TNS1: variants seen among roughly 807,000 people sequenced by gnomAD.
The protein encoded by TNS1 is tensin-1.
A neutral mutation model predicts 168.6 loss-of-function variants in TNS1; 62 were observed. That is an observed-to-expected ratio of 0.37 (90% CI 0.30 to 0.45). The LOEUF is 0.45. Among genes scored for constraint, TNS1 ranks in the 20% least tolerant of loss-of-function variants. The pLI is 1.00. For synonymous variants in TNS1, 934 were observed against 933.2 expected, an observed-to-expected ratio of 1.00 and a Z score of -0.02; for missense variants, 2,240 against 2,339.4, an observed-to-expected ratio of 0.96 and a Z score of 0.88.
intron 7 of TNS1, among the ~76,000 whole-genome samples, chr2:217,898,761 A>T (rs1391588950): frequency 6.6e-6 from 1 of 152,156 alleles, no homozygotes; most frequent in Non-Finnish European, 1.5e-5. Flanking sequence ...AGAGGTGGGG[A>T]GGCCCCTGGG....
chr2:218,008,197 C>T (rs1958676804), intron 1 of TNS1, among the ~76,000 whole-genome samples: 2 of 152,164 alleles, frequency 1.3e-5, no homozygotes, highest in South Asian at 2.1e-4. Flanking sequence ...TTAATAAGAT[C>T]CTTCCCAGAG....
At chr2:217,935,115 T>C (rs1222378124) in intron 3 of TNS1, among the ~76,000 whole-genome samples, 2 of 152,092 alleles carry the variant, frequency 1.3e-5, no homozygotes, top group Non-Finnish European at 2.9e-5. Flanking sequence ...GCCCCTGAAG[T>C]TGACTCTGTC....
At chr2:217,805,666 T>G (rs1055224778) in intron 32 of TNS1, among the ~76,000 whole-genome samples, 9 of 11,990 alleles carry the variant, frequency 7.5e-4, no homozygotes, top group Admixed American at 6.8e-3. Context: ...AACACACATA[T>G]CACCACACAC....
At position 217,929,346 on chromosome 2, in the gene TNS1, C is replaced by T. The variant is rs1956194713; in HGVS notation, c.187-9110G>A. ...GGGAGAGGTGAGGCTGCACACTAGGCCGGACTTCTTAGGAGCATGTGCTGA... is the reference window on the plus strand; with the variant it reads ...GGGAGAGGTGAGGCTGCACACTAGGTCGGACTTCTTAGGAGCATGTGCTGA... On this transcript the variant is annotated intron_variant, in intron 3 of 32. Transcript: ENST00000682258. Among the ~76,000 whole-genome samples, 6 of 152,304 alleles carry T rather than the reference C, an allele frequency of 3.9e-5. No individual in the cohort carries two copies. In the South Asian group the frequency reaches 1.0e-3, roughly 26 times the overall value.
chr2:217,920,284 A>G (rs1305805324), intron 3 of TNS1, 48 bp from the exon 4 acceptor site: 1 of 702,748 alleles, frequency 1.4e-6, no homozygotes, highest in Non-Finnish European at 2.6e-6. Flanking sequence ...TTGTCTCTAG[A>G]GACAGCCAGC....
intron 18 of TNS1, chr2:217,850,257 G>C (rs1017320707): frequency 2.0e-5 from 20 of 985,284 alleles, no homozygotes; most frequent in Non-Finnish European, 2.3e-5. Context: ...AACAGTCCCT[G>C]TGCCAGAGGG....
rs200862766 is a variant in TNS1 at position 217,849,072 on chromosome 2, G to A, written c.1445C>T (p.Thr482Met). The change falls in exon 19 of 33, where the codon ACG becomes ATG. Residue 482 changes from threonine to methionine, a missense_variant. By Grantham distance (81) the Thr-to-Met change is moderately conservative. Coordinates refer to ENST00000682258, the MANE Select transcript of TNS1 (RefSeq NM_001387777.1). ...CAGGCTCCCATCTAGTGGCCCCTGC[G>A]TGTGTCCCACCACCTCTGCAAGGGA... ...DDGMEEVVGH[T>M]QGPLDGSLYA... The A allele has an allele frequency of 9.6e-5, 155 of 1,611,414 alleles. No homozygotes were observed. The highest frequency in any genetic ancestry group is 1.2e-4 in the Non-Finnish European group (140 of 1,178,712).
At chr2:217,897,003 A>G (rs1184980171) in intron 8 of TNS1, among the ~76,000 whole-genome samples, 2 of 152,194 alleles carry the variant, frequency 1.3e-5, no homozygotes, top group African/African-American at 2.4e-5. Flanking sequence ...GATTGAGTCC[A>G]AAGAGGTGAA....
intron 3 of TNS1, among the ~76,000 whole-genome samples, chr2:217,966,913 C>T (rs142904755): frequency 1.1e-4 from 16 of 149,898 alleles, no homozygotes; most frequent in Admixed American, 4.0e-4. Flanking sequence ...TTAAGACTTT[C>T]CCTTCAATGG....
intron 4 of TNS1, among the ~76,000 whole-genome samples, chr2:217,916,735 T>C (rs568190741): frequency 9.2e-5 from 14 of 152,262 alleles, no homozygotes; most frequent in East Asian, 3.9e-4. Context: ...GGGAAATGTA[T>C]TTGGCTGGCA....
At chr2:217,997,958 G>T (rs1336685481) in intron 1 of TNS1, among the ~76,000 whole-genome samples, 1 of 152,236 alleles carries the variant, frequency 6.6e-6, no homozygotes, top group African/African-American at 2.4e-5. Context: ...TTTCTGTAGT[G>T]AAATTATACC....
At chr2:217,827,455 T>C (rs1418297648) in intron 22 of TNS1, among the ~76,000 whole-genome samples, 1 of 152,100 alleles carries the variant, frequency 6.6e-6, no homozygotes, top group African/African-American at 2.4e-5. Context: ...CAGTGGCACA[T>C]GAGTCAGGAA....
At chr2:217,962,937 C>T (rs1435276355) in intron 3 of TNS1, among the ~76,000 whole-genome samples, 1 of 152,086 alleles carries the variant, frequency 6.6e-6, no homozygotes, top group Non-Finnish European at 1.5e-5. Context: ...ATGTGAATGT[C>T]CTGGTTTTGA....
chr2:217,828,159 G>A (rs552509759), intron 22 of TNS1, among the ~76,000 whole-genome samples: 10 of 152,312 alleles, frequency 6.6e-5, no homozygotes, highest in Admixed American at 3.9e-4. Flanking sequence ...ATGAGGCTGC[G>A]GGGGAGCAAG....
At chr2:217,971,175 C>A (rs553634407) in intron 3 of TNS1, among the ~76,000 whole-genome samples, 1 of 152,278 alleles carries the variant, frequency 6.6e-6, no homozygotes, top group African/African-American at 2.4e-5. Flanking sequence ...TTACCACAAT[C>A]CAGATAGAGA....
At position 218,027,905 on chromosome 2, in the gene TNS1, T is replaced by C. The variant is rs181198570; in HGVS notation, c.156+5915A>G. Among the ~76,000 whole-genome samples the C allele has an allele frequency of 3.3e-3, 508 of 152,228 alleles. 3 individuals are homozygous for C. Among genetic ancestry groups the C allele is most frequent in the African/African-American group, 0.011 (467 of 41,524 alleles). ...GACTGCAGGCTGGGCCAGAGGACTC[T>C]AAGGAATCAGGATACTCTCCAGGCC... On this transcript the variant is annotated intron_variant, in intron 1 of 1. Coordinates refer to the TNS1 transcript ENST00000649572.
At chr2:217,828,321 A>G (rs1943905074) in intron 22 of TNS1, among the ~76,000 whole-genome samples, 1 of 152,144 alleles carries the variant, frequency 6.6e-6, no homozygotes, top group Non-Finnish European at 1.5e-5. Flanking sequence ...AACTCCAATC[A>G]TCCTACCTGG....
chr2:217,962,177 C>CG (rs1957512989), intron 3 of TNS1, among the ~76,000 whole-genome samples: 1 of 152,252 alleles, frequency 6.6e-6, no homozygotes, highest in Non-Finnish European at 1.5e-5. Flanking sequence ...GGTGAGGTGA[C>CG]TCACGCCTAT....
chr2:217,955,100 TC>T (rs1957329963), intron 3 of TNS1, among the ~76,000 whole-genome samples: 1 of 152,192 alleles, frequency 6.6e-6, no homozygotes, highest in Admixed American at 6.5e-5. Flanking sequence ...AGGGGGTTAC[TC>T]CAAAGAGGAG....
Sources: gnomAD v4.1 joint callset for allele counts (sites outside exome capture counted in the v4.1 genomes callset) on GRCh38, gnomAD v4.1.1 for gene constraint, MANE v1.5 for transcripts, NCBI Gene and HGNC (gene_info 2026-07-23, HGNC 2026-07-21) for gene names.